The following WDR73 variants were observed in gnomAD, a reference collection of about 807,000 sequenced individuals.
WDR73 encodes integrator complex assembly factor WDR73.
WDR73 carries 30 observed loss-of-function variants against 38.2 expected under a neutral mutation model. The observed-to-expected ratio is 0.79, with a 90% CI of 0.59 to 1.06. The LOEUF is 1.06. Among genes scored for constraint, WDR73 ranks in the 50% least tolerant of loss-of-function variants. WDR73 has a pLI of 0.00. For synonymous variants in WDR73, 197 were observed against 176.0 expected, an observed-to-expected ratio of 1.12 and a Z score of -0.94; for missense variants, 487 against 467.0, an observed-to-expected ratio of 1.04 and a Z score of -0.40.
chr15:84,643,841 T>C, intron 7 of WDR73, 118 bp from the exon 8 acceptor site: 2 of 1,238,630 alleles, frequency 1.6e-6, no homozygotes, highest in East Asian at 2.6e-5. Flanking sequence ...GGTCTTGAAC[T>C]CCTAGCCTCA....
At chr15:84,651,730 C>T (rs541101093) in intron 3 of WDR73, among the ~76,000 whole-genome samples, 55 of 152,318 alleles carry the variant, frequency 3.6e-4, no homozygotes, top group African/African-American at 1.3e-3. Flanking sequence ...GCTTTAGCTT[C>T]TTCCCTCCCT....
intron 1 of WDR73, 113 bp from the exon 2 acceptor site, chr15:84,653,812 G>C (rs1896702335): frequency 9.7e-6 from 8 of 827,396 alleles, no homozygotes; most frequent in Non-Finnish European, 1.6e-5. Flanking sequence ...GGCAGACGTG[G>C]GACTGAGTTT....
chr15:84,645,608 C>G lies in WDR73; in HGVS notation c.746G>C (p.Arg249Pro). Residue 249 changes from arginine (R) to proline (P), a missense_variant, in exon 7 of 8, where the codon CGT (arginine) becomes CCT (proline). Transcript: ENST00000434634. The stretch of plus-strand genomic sequence containing the variant: ...ATCCCGGGGGTCAAGAAGACAAAGA[C>G]GCCCATCTGAGCCAAGGCTGGCAAT... Reference protein sequence around the residue: ...PSIASLGSDGRLCLLDPRDLC... With the variant: ...PSIASLGSDGPLCLLDPRDLC... 1.2e-6 allele frequency: 2 copies of G among 1,609,078 alleles called. No individual in the cohort carries two copies. The highest frequency in any genetic ancestry group is 1.7e-6 in the Non-Finnish European group (2 of 1,177,942).
Position 84,652,778 on chromosome 15 carries a change from C to A in WDR73, c.134G>T (p.Ser45Ile). 1.3e-6 allele frequency: 2 copies of A among 1,535,640 alleles called. No individual in the cohort carries two copies. Among genetic ancestry groups the A allele is most frequent in the East Asian group, 2.5e-5 (1 of 40,554 alleles). Residue 45 changes from serine to isoleucine, a missense_variant, in exon 3 of 8, where the codon AGC becomes ATC. Physicochemically the swap from Ser to Ile is moderately radical, Grantham distance 142. Coordinates refer to ENST00000434634, the MANE Select transcript of WDR73 (RefSeq NM_032856.5). ...ATGAAGAATTTCATTCTTTTTCAGG[C>A]TTTCATAGCCAGCAACAAAGACTCC... ...DKGVFVAGYE[S>I]LKKNEILHLK...
chr15:84,650,080 C>T (rs1014313227), intron 3 of WDR73, among the ~76,000 whole-genome samples: 3 of 152,222 alleles, frequency 2.0e-5, no homozygotes, highest in Admixed American at 6.6e-5. Flanking sequence ...TAGCCTCTCC[C>T]AGGCTGAACA....
intron 3 of WDR73, 29 bp downstream of exon 3, chr15:84,652,685 A>C (rs1409963722): frequency 7.9e-7 from 1 of 1,270,738 alleles, no homozygotes; most frequent in Non-Finnish European, 1.1e-6. Context: ...ATAAAAGTTG[A>C]CATACTCAGC....
At position 84,643,196 on chromosome 15, in the gene WDR73, A is replaced by G. The variant is rs1436599441; in HGVS notation, c.*274T>C. On this transcript the variant is annotated 3_prime_UTR_variant, in exon 8 of 8. Transcript: ENST00000434634. ...TCCCTATGATAGTGTGAAGACAGGG[A>G]CAAAACGCTACCATTTCACACTCCC... The G allele has an allele frequency of 2.1e-6, 1 of 466,902 alleles. No homozygotes were observed. The highest frequency in any genetic ancestry group is 3.7e-5 in the East Asian group (1 of 27,188). 28.9% of individuals were successfully genotyped at this position (466,902 alleles called of 1,614,324 possible).
chr15:84,654,092 C>T, intron 1 of WDR73, 142 bp downstream of exon 1: 2 of 1,102,490 alleles, frequency 1.8e-6, no homozygotes, highest in Non-Finnish European at 1.4e-6. Flanking sequence ...TAGGCCCAGG[C>T]GGAGTCCTCC....
Position 84,653,625 on chromosome 15 carries a change from A to G in WDR73, c.109+7T>C, listed in dbSNP as rs921777297. On this transcript the variant is annotated splice_region_variant and intron_variant, in intron 2 of 7. Transcript: ENST00000434634. ...CCCTCTCCTTCAGGGCTAGAAAGGT[A>G]TACCACCTTTGTCATCAATCCATTC... is the stretch of plus-strand genomic sequence containing the variant. 17 of 1,580,498 alleles carry G rather than the reference A, an allele frequency of 1.1e-5. No individual in the cohort carries two copies. The highest frequency in any genetic ancestry group is 1.5e-5 in the Non-Finnish European group (17 of 1,160,928).
At chr15:84,651,299 G>A (rs1896616187) in intron 3 of WDR73, among the ~76,000 whole-genome samples, 1 of 149,742 alleles carries the variant, frequency 6.7e-6, no homozygotes, top group African/African-American at 2.5e-5. Flanking sequence ...GGTGGCACAT[G>A]CCTGTAGTCC....
Position 84,645,833 on chromosome 15 carries a change from A to G in WDR73, c.521T>C (p.Val174Ala). ...GCTACTCAGCTCCTCACTGTCACTG[A>G]CATCTGGAAGACCGACAGCAAAGGA... ...ESRKTTYTSD[V>A]SDSEELSSLQ... The change falls in exon 7 of 8, where the codon GTC (valine) becomes GCC (alanine). Residue 174 changes from valine (V) to alanine (A), a missense_variant. By Grantham distance (64) the Val-to-Ala change is moderately conservative. Transcript: ENST00000434634. 1.2e-6 allele frequency: 2 copies of G among 1,613,830 alleles called. No homozygotes were observed. Among genetic ancestry groups the G allele is most frequent in the Non-Finnish European group, 1.7e-6 (2 of 1,179,850 alleles).
Position 84,643,350 on chromosome 15 carries a change from C to G in WDR73, c.*120G>C. The G allele has an allele frequency of 7.7e-7, 1 of 1,290,968 alleles. No homozygotes were observed. The highest frequency in any genetic ancestry group is 1.0e-6 in the Non-Finnish European group (1 of 954,410). 80.0% of individuals were successfully genotyped at this position (1,290,968 alleles called of 1,614,324 possible). ...ACTGAGGCTAAGTGACGCTGGCAGA[C>G]TTGCCCAAGGCCACACAGCTGGTAA... On this transcript the variant is annotated 3_prime_UTR_variant, in exon 8 of 8. Transcript: ENST00000434634.
intron 6 of WDR73, 102 bp from the exon 7 acceptor site, chr15:84,645,938 A>ATCT: frequency 6.4e-7 from 1 of 1,574,136 alleles, no homozygotes; most frequent in South Asian, 1.2e-5. Flanking sequence ...AGTCCCAGGC[A>ATCT]GAATAAATCA....
At chr15:84,644,479 C>G (rs1483224352) in intron 7 of WDR73, 1 of 151,820 alleles carries the variant, frequency 6.6e-6, no homozygotes, top group African/African-American at 2.4e-5. Flanking sequence ...TCGACGGATC[C>G]TTCCTGTTGG....
chr15:84,654,014 C>G (rs546909873), intron 1 of WDR73: 8 of 628,154 alleles, frequency 1.3e-5, no homozygotes, highest in Non-Finnish European at 1.9e-5. Flanking sequence ...TCTTCACAAG[C>G]GCGGCTCTTA....
At position 84,643,545 on chromosome 15, in the gene WDR73, T is replaced by C. The variant is rs762910133; in HGVS notation, c.1062A>G (p.Pro354=). The C allele has an allele frequency of 3.7e-6, 6 of 1,607,816 alleles. No homozygotes were observed. In the Admixed American group the frequency reaches 1.0e-4, roughly 27 times the overall value. ...VTTHTWHPCR[P]RTLLSATNDA... ...CATTTGTTGCTGATAACAAAGTCCT[T>C]GGTCTGCAGGGATGCCAGGTGTGGG... Residue 354 remains proline, a synonymous_variant, in exon 8 of 8, where the codon CCA becomes CCG. Coordinates refer to ENST00000434634, the MANE Select transcript of WDR73 (RefSeq NM_032856.5).
chr15:84,654,127 G>C (rs1228493203), intron 1 of WDR73, 107 bp downstream of exon 1: 1 of 1,478,008 alleles, frequency 6.8e-7, no homozygotes, highest in Non-Finnish European at 9.4e-7. Flanking sequence ...CGAGGCCACA[G>C]CTGGCCCACT....
rs550596234 is a variant in WDR73, at chr15:84,648,190, T to C, written c.288-236A>G. 3 of 598,974 alleles carry C rather than the reference T, an allele frequency of 5.0e-6. No homozygotes were observed. In the South Asian group the frequency reaches 6.0e-5, roughly 12 times the overall value. 37.1% of individuals were successfully genotyped at this position (598,974 alleles called of 1,614,324 possible). ...TGGTCACCTACAGAGGACACAAGTA[T>C]GGGGCCAAACACAACCTGACCCAGA... On this transcript the variant is annotated intron_variant, in intron 4 of 7. Transcript: ENST00000434634.
chr15:84,647,852 C>T (rs1485571158), intron 5 of WDR73, 38 bp downstream of exon 5: 9 of 1,607,828 alleles, frequency 5.6e-6, no homozygotes, highest in African/African-American at 1.3e-5. Flanking sequence ...GTCACACTTT[C>T]CTAGAACCCC....
Sources: gnomAD v4.1 joint callset for allele counts (sites outside exome capture counted in the v4.1 genomes callset) on GRCh38, gnomAD v4.1.1 for gene constraint, MANE v1.5 for transcripts, NCBI Gene and HGNC (gene_info 2026-07-23, HGNC 2026-07-21) for gene names.